ATXN10: variants seen among roughly 807,000 people sequenced by gnomAD.
The protein encoded by ATXN10 is ataxin 10.
Under a neutral mutation model 52.9 loss-of-function variants are expected in ATXN10, and 28 were observed. That is an observed-to-expected ratio of 0.53 (90% CI 0.39 to 0.73). The LOEUF is 0.73. ATXN10 is among the 30% of genes least tolerant of loss of function. The pLI is 0.00. For synonymous variants in ATXN10, 226 were observed against 221.5 expected, an observed-to-expected ratio of 1.02 and a Z score of -0.18; for missense variants, 565 against 577.0, an observed-to-expected ratio of 0.98 and a Z score of 0.21.
chr22:45,762,712 C>G lies in ATXN10; in HGVS notation c.1173+22174C>G, dbSNP rs553487164. Among the ~76,000 whole-genome samples the G allele has an allele frequency of 6.6e-6, 1 of 152,208 alleles. No individual in the cohort carries two copies. The highest frequency in any genetic ancestry group is 1.5e-5 in the Non-Finnish European group (1 of 68,032). On this transcript the variant is annotated intron_variant, in intron 9 of 11. Transcript: ENST00000252934. The surrounding 1 kb of genome is among the most constrained non-coding windows in gnomAD (Gnocchi z 4.3). ...CCCCAGAGGCCACCTCACTCTTACT[C>G]CTGTCTCCAGGCTGGTGACCTCACA...
chr22:45,815,014 C>G (rs769607943), intron 10 of ATXN10, among the ~76,000 whole-genome samples: 3 of 152,192 alleles, frequency 2.0e-5, no homozygotes, highest in Non-Finnish European at 4.4e-5. Flanking sequence ...AGGTTGGGGA[C>G]TGCTGCATTA....
At chr22:45,765,983 C>T (rs1460036511) in intron 9 of ATXN10, among the ~76,000 whole-genome samples, 4 of 152,164 alleles carry the variant, frequency 2.6e-5, no homozygotes, top group Non-Finnish European at 5.9e-5. Flanking sequence ...TGTTATACAG[C>T]TTCCACTGTT....
intron 6 of ATXN10, among the ~76,000 whole-genome samples, chr22:45,725,117 A>G (rs1183026256): frequency 6.6e-6 from 1 of 152,142 alleles, no homozygotes. Flanking sequence ...CTTTTTGCTT[A>G]AGATTGCTTT....
chr22:45,713,990 G>A (rs148802055), intron 5 of ATXN10, among the ~76,000 whole-genome samples: 3 of 152,188 alleles, frequency 2.0e-5, no homozygotes, highest in Non-Finnish European at 4.4e-5. Context: ...GACAAGTAAT[G>A]ATTGTAGAAT....
intron 9 of ATXN10, among the ~76,000 whole-genome samples, chr22:45,797,169 C>G (rs1927771857): frequency 6.6e-6 from 1 of 152,148 alleles, no homozygotes; most frequent in South Asian, 2.1e-4. Flanking sequence ...ACAGAACAAG[C>G]TGAAAGAAAA....
chr22:45,754,068 C>T lies in ATXN10; in HGVS notation c.1173+13530C>T, dbSNP rs1047999216. Among the ~76,000 whole-genome samples the T allele has an allele frequency of 6.6e-6, 1 of 152,188 alleles. No individual in the cohort carries two copies. Among genetic ancestry groups the T allele is most frequent in the Non-Finnish European group, 1.5e-5 (1 of 68,038 alleles). ...TTATTTCTGGCCTCTGAGAATGATG[C>T]TCACACTGCCCAGTGGCAGGACGCA... On this transcript the variant is annotated intron_variant, in intron 9 of 11. Transcript: ENST00000252934. The surrounding 1 kb of genome is among the most constrained non-coding windows in gnomAD (Gnocchi z 5.4).
intron 1 of ATXN10, among the ~76,000 whole-genome samples, chr22:45,686,931 G>A (rs536443170): frequency 6.6e-5 from 10 of 152,196 alleles, no homozygotes; most frequent in Admixed American, 2.6e-4. Context: ...GAAGATTGGC[G>A]AAATCGGGGG....
intron 9 of ATXN10, among the ~76,000 whole-genome samples, chr22:45,756,440 G>A (rs1047907247): frequency 6.6e-6 from 1 of 152,122 alleles, no homozygotes; most frequent in Admixed American, 6.6e-5. Flanking sequence ...CACCACACTC[G>A]GCCCCAGACC....
In ATXN10 at chr22:45,743,655, A is replaced by G. The variant is rs548216546; in HGVS notation, c.1173+3117A>G. On this transcript the variant is annotated intron_variant, in intron 9 of 11. Coordinates refer to ENST00000252934, the MANE Select transcript of ATXN10 (RefSeq NM_013236.4). ...TCTGAGTTGGGAGGGATTTCGTATC[A>G]TCTAGCCTAATTTGGGTTCCTCCTT... Among the ~76,000 whole-genome samples, 9 of 152,328 alleles carry G rather than the reference A, an allele frequency of 5.9e-5. No homozygotes were observed. The South Asian group carries it at 1.9e-3, about 32-fold the overall frequency.
At chr22:45,793,359 T>A (rs1211308507) in intron 9 of ATXN10, 1 of 227,436 alleles carries the variant, frequency 4.4e-6, no homozygotes, top group African/African-American at 2.3e-5. Context: ...CTGGCAGTAA[T>A]TGTTCTGTGC....
chr22:45,806,277 T>C (rs1361232492), intron 9 of ATXN10, among the ~76,000 whole-genome samples: 1 of 152,250 alleles, frequency 6.6e-6, no homozygotes, highest in Non-Finnish European at 1.5e-5. Flanking sequence ...TGTATAATTA[T>C]AATTTGCTTC....
rs1256444154 is a variant in ATXN10, at chr22:45,733,317, A to C, written c.894+3727A>C. Among the ~76,000 whole-genome samples the C allele has an allele frequency of 2.0e-5, 3 of 152,222 alleles. No individual in the cohort carries two copies. In the East Asian group the frequency reaches 5.8e-4, roughly 29 times the overall value. On this transcript the variant is annotated intron_variant, in intron 7 of 11. Coordinates refer to ENST00000252934, the MANE Select transcript of ATXN10 (RefSeq NM_013236.4). This position sits in a 1 kb window ranked among gnomAD's most constrained non-coding sequence, Gnocchi z 4.4. ...TATTTAATTACATAATACATATTTA[A>C]TACATATTCTACAATAAATAGTGTA...
In ATXN10 at chr22:45,762,316, C is replaced by CA. The variant is rs1926423476; in HGVS notation, c.1173+21778_1173+21779insA. Among the ~76,000 whole-genome samples the CA allele has an allele frequency of 6.6e-6, 1 of 152,164 alleles. No homozygotes were observed. Among genetic ancestry groups the CA allele is most frequent in the Non-Finnish European group, 1.5e-5 (1 of 68,034 alleles). The stretch of plus-strand genomic sequence containing the variant: ...TGTCTTTGCATTGCTTGACAGAGGG[C>CA]CTGACCCAGGGTAGGCACTCCCGCT... On this transcript the variant is annotated intron_variant, in intron 9 of 11. Transcript: ENST00000252934. This position sits in a 1 kb window ranked among gnomAD's most constrained non-coding sequence, Gnocchi z 4.3.
intron 9 of ATXN10, among the ~76,000 whole-genome samples, chr22:45,771,778 TTC>T (rs1182099730): frequency 6.6e-6 from 1 of 152,064 alleles, no homozygotes; most frequent in African/African-American, 2.4e-5. Flanking sequence ...GTTGTTTTCT[TTC>T]TGTCTTAATT....
At position 45,759,150 on chromosome 22, in the gene ATXN10, A is replaced by T. The variant is rs186668436; in HGVS notation, c.1173+18612A>T. ...AAGCATTATGCGAGGTGCTGGAGAGAAGGAAGGGGAAGAAAAGGTCCTCAC... is the reference window on the plus strand; with the variant it reads ...AAGCATTATGCGAGGTGCTGGAGAGTAGGAAGGGGAAGAAAAGGTCCTCAC... On this transcript the variant is annotated intron_variant, in intron 9 of 11. Coordinates refer to ENST00000252934, the MANE Select transcript of ATXN10 (RefSeq NM_013236.4). This position sits in a 1 kb window ranked among gnomAD's most constrained non-coding sequence, Gnocchi z 5.4. Among the ~76,000 whole-genome samples the T allele has an allele frequency of 6.4e-3, 971 of 152,274 alleles. 7 individuals are homozygous for T. The highest frequency in any genetic ancestry group is 0.015 in the South Asian group (71 of 4,824).
In ATXN10 at chr22:45,833,329, G is replaced by A. The variant is rs1022548287; in HGVS notation, c.1238-9662G>A. Reference sequence around the variant, plus strand: ...GGTCAGGATGGCCATGGTAACTAATGCCATTGGAGCAAGTGCTACCAGATG... The same window carrying A: ...GGTCAGGATGGCCATGGTAACTAATACCATTGGAGCAAGTGCTACCAGATG... On this transcript the variant is annotated intron_variant, in intron 10 of 11. Coordinates refer to ENST00000252934, the MANE Select transcript of ATXN10 (RefSeq NM_013236.4). The surrounding 1 kb of genome is among the most constrained non-coding windows in gnomAD (Gnocchi z 4.3). Among the ~76,000 whole-genome samples the A allele has an allele frequency of 2.0e-5, 3 of 152,180 alleles. No individual in the cohort carries two copies. Among genetic ancestry groups the A allele is most frequent in the Non-Finnish European group, 4.4e-5 (3 of 68,024 alleles).
chr22:45,689,102 TGTAGTTGACTGTAG>T (rs990652527), intron 1 of ATXN10, among the ~76,000 whole-genome samples: 1 of 152,198 alleles, frequency 6.6e-6, no homozygotes, highest in Non-Finnish European at 1.5e-5. Context: ...CTCCCATCTA[TGTAGTTGACTGTAG>T]AAGTTTGGTG....
chr22:45,699,096 A>G (rs537187213), intron 3 of ATXN10, among the ~76,000 whole-genome samples: 1 of 152,234 alleles, frequency 6.6e-6, no homozygotes, highest in Admixed American at 6.5e-5. Flanking sequence ...TTATGTAAAC[A>G]CAAGCATGAG....
intron 9 of ATXN10, among the ~76,000 whole-genome samples, chr22:45,779,402 A>G (rs1336575487): frequency 6.6e-6 from 1 of 152,188 alleles, no homozygotes; most frequent in Admixed American, 6.5e-5. Flanking sequence ...AATTCAGAAG[A>G]CTATAATTCA....
Sources: gnomAD v4.1 joint callset for allele counts (sites outside exome capture counted in the v4.1 genomes callset) on GRCh38, gnomAD v4.1.1 for gene constraint, Gnocchi (gnomAD v3.1) non-coding constraint, MANE v1.5 for transcripts, NCBI Gene and HGNC (gene_info 2026-07-23, HGNC 2026-07-21) for gene names.